The following LAMC1 variants were observed in gnomAD, a reference collection of about 807,000 sequenced individuals.
LAMC1 encodes the protein laminin subunit gamma-1.
A neutral mutation model predicts 173.6 loss-of-function variants in LAMC1; 38 were observed. That is an observed-to-expected ratio of 0.22 (90% CI 0.17 to 0.29). The LOEUF (loss-of-function observed/expected upper bound fraction) is 0.29. Ranked by LOEUF, LAMC1 falls within the 10% of genes least tolerant of loss-of-function variation. The probability of loss-of-function intolerance (pLI) is 1.00; values close to 1 mark genes in which losing one functional copy is unlikely to be tolerated. For missense variants in LAMC1, 1,824 were observed against 2,051.8 expected, an observed-to-expected ratio of 0.89 and a Z score of 2.14; for synonymous variants, 746 against 749.1, an observed-to-expected ratio of 1.00 and a Z score of 0.07.
chr1:183,142,311 T>C (rs1400803991), intron 27 of LAMC1, among the ~76,000 whole-genome samples: 1 of 152,216 alleles, frequency 6.6e-6, no homozygotes, highest in East Asian at 1.9e-4. Context: ...CAGCTCTATA[T>C]TAATTGTATG....
intron 1 of LAMC1, among the ~76,000 whole-genome samples, chr1:183,045,916 A>G (rs1036712315): frequency 2.6e-5 from 4 of 151,942 alleles, no homozygotes; most frequent in African/African-American, 9.7e-5. Context: ...TTGGTCTTTC[A>G]TATTTCCTCT....
intron 3 of LAMC1, among the ~76,000 whole-genome samples, chr1:183,110,037 C>T (rs1226071375): frequency 6.6e-6 from 1 of 152,164 alleles, no homozygotes; most frequent in Non-Finnish European, 1.5e-5. Flanking sequence ...TAAAGCACTC[C>T]TTGATCTTCC....
intron 3 of LAMC1, among the ~76,000 whole-genome samples, chr1:183,109,877 A>T (rs1656094732): frequency 6.6e-6 from 1 of 152,136 alleles, no homozygotes; most frequent in African/African-American, 2.4e-5. Flanking sequence ...ACCTCAGGGG[A>T]TATTAGTCTG....
At chr1:183,081,576 ATAAATAAATAAAT>A (rs1350549819) in intron 1 of LAMC1, among the ~76,000 whole-genome samples, 2 of 151,006 alleles carry the variant, frequency 1.3e-5, no homozygotes, top group African/African-American at 4.9e-5. Context: ...AAATAAATAA[ATAAATAAATAAAT>A]AAATAAATAA....
At chr1:183,134,930 A>G in intron 23 of LAMC1, 112 bp from the exon 24 acceptor site, 4 of 1,343,218 alleles carry the variant, frequency 3.0e-6, no homozygotes, top group Non-Finnish European at 4.2e-6. Context: ...GCAGCCTAAC[A>G]GATTTTATGC....
intron 1 of LAMC1, among the ~76,000 whole-genome samples, chr1:183,092,432 A>G (rs1281045758): frequency 6.6e-6 from 1 of 152,132 alleles, no homozygotes; most frequent in Non-Finnish European, 1.5e-5. Context: ...TAAGAAGAAA[A>G]AAAAAAAATA....
intron 1 of LAMC1, among the ~76,000 whole-genome samples, chr1:183,045,060 G>C (rs1222650194): frequency 6.6e-6 from 1 of 150,998 alleles, no homozygotes; most frequent in Non-Finnish European, 1.5e-5. Flanking sequence ...AGGAAATTCT[G>C]TTGTCACCTA....
intron 26 of LAMC1, among the ~76,000 whole-genome samples, chr1:183,139,478 G>T (rs12064836): frequency 1.3e-5 from 2 of 152,142 alleles, no homozygotes; most frequent in African/African-American, 4.8e-5. Context: ...TTTTACACTC[G>T]CAGACAAGCT....
In LAMC1 at chr1:183,128,470, TAAAA is replaced by T. The variant is rs59134708; in HGVS notation, c.3124-112_3124-109del. On this transcript the variant is annotated intron_variant, in intron 17 of 27. Transcript: ENST00000258341. Reference sequence around the variant, plus strand: ...CTAAAACTTAAAGTATAATAATAATTAAAAAAAAAAAAAAAGAACTACATATTCA... The same window carrying T: ...CTAAAACTTAAAGTATAATAATAATTAAAAAAAAAAAGAACTACATATTCA... 7.2e-3 allele frequency: 4,360 copies of T among 606,258 alleles called. 8 individuals are homozygous for T. The highest frequency in any genetic ancestry group is 0.012 in the Middle Eastern group (23 of 1,912). 37.6% of individuals were successfully genotyped at this position (606,258 alleles called of 1,614,324 possible). A position where few individuals can be genotyped will look rare whatever the true frequency, so the allele number is the denominator to read the frequency against.
At chr1:183,118,012 G>A (rs745719635) in intron 10 of LAMC1, 22 bp from the exon 11 acceptor site, 1 of 1,398,052 alleles carries the variant, frequency 7.2e-7, no homozygotes, top group Admixed American at 1.7e-5. Flanking sequence ...AGAGGTTAAT[G>A]TGGCCCTTTC....
At chr1:183,130,588 G>A in intron 19 of LAMC1, 39 bp downstream of exon 19, 3 of 1,547,284 alleles carry the variant, frequency 1.9e-6, no homozygotes, top group Non-Finnish European at 2.7e-6. Flanking sequence ...GATGGGGGAG[G>A]CCCCTGGGGT....
At chr1:183,127,118 T>TATA (rs3066017) in intron 16 of LAMC1, 108 bp from the exon 17 acceptor site, 548,337 of 996,792 alleles carry the variant, frequency 0.55, 156,096 homozygotes, top group South Asian at 0.64. Context: ...TCAAAAAAAT[T>TATA]ATGACAGTAT....
At chr1:183,063,873 T>C (rs1373987820) in intron 1 of LAMC1, among the ~76,000 whole-genome samples, 7 of 152,222 alleles carry the variant, frequency 4.6e-5, no homozygotes, top group Non-Finnish European at 1.0e-4. Flanking sequence ...ACCTTGCTCA[T>C]CCATCGTAAT....
At chr1:183,064,727 C>T (rs1429768314) in intron 1 of LAMC1, among the ~76,000 whole-genome samples, 1 of 152,108 alleles carries the variant, frequency 6.6e-6, no homozygotes, top group Non-Finnish European at 1.5e-5. Flanking sequence ...GGCAGGTCAC[C>T]ACATACTTTT....
intron 27 of LAMC1, 128 bp from the exon 28 acceptor site, chr1:183,142,406 A>AATG (rs1657139022): frequency 3.3e-6 from 3 of 914,292 alleles, no homozygotes; most frequent in Non-Finnish European, 4.9e-6. Context: ...ACAATCTGCA[A>AATG]GTCACATTTG....
chr1:183,140,067 A>G (rs1285587693), intron 26 of LAMC1, among the ~76,000 whole-genome samples: 1 of 151,984 alleles, frequency 6.6e-6, no homozygotes, highest in African/African-American at 2.4e-5. Flanking sequence ...TCTGCTTAAT[A>G]GGCTTTACTA....
rs1571472821 is a variant in LAMC1 at position 183,144,752 on chromosome 1, T to G, written c.*1962T>G. The G allele has an allele frequency of 2.0e-5, 3 of 152,138 alleles. No homozygotes were observed. Among genetic ancestry groups the G allele is most frequent in the Admixed American group, 6.5e-5 (1 of 15,272 alleles). 9.4% of individuals were successfully genotyped at this position (152,138 alleles called of 1,614,324 possible). ...CTGGCAATTGTTGGAGCTGGATAGG[T>G]AAGTTTTATAAGGGAGTACATTTTG... On this transcript the variant is annotated 3_prime_UTR_variant, in exon 28 of 28. Coordinates refer to ENST00000258341, the MANE Select transcript of LAMC1 (RefSeq NM_002293.4).
intron 6 of LAMC1, 72 bp from the exon 7 acceptor site, chr1:183,116,505 A>G: frequency 9.2e-7 from 1 of 1,082,300 alleles, no homozygotes; most frequent in Non-Finnish European, 1.4e-6. Flanking sequence ...TAACATGTAA[A>G]ACAAAGGGCT....
At chr1:183,131,519 C>T in intron 20 of LAMC1, 141 bp downstream of exon 20, 2 of 573,920 alleles carry the variant, frequency 3.5e-6, no homozygotes, top group Non-Finnish European at 6.2e-6. Context: ...GCACACTTTG[C>T]TCTCTTTTCT....
Sources: gnomAD v4.1 joint callset for allele counts (sites outside exome capture counted in the v4.1 genomes callset) on GRCh38, gnomAD v4.1.1 for gene constraint, MANE v1.5 for transcripts, NCBI Gene and HGNC (gene_info 2026-07-23, HGNC 2026-07-21) for gene names.